SSRP1: variants seen among roughly 807,000 people sequenced by gnomAD.
The protein encoded by SSRP1 is structure specific recognition protein 1.
A neutral mutation model predicts 84.4 loss-of-function variants in SSRP1; 21 were observed. The observed-to-expected ratio is 0.25, with a 90% CI of 0.18 to 0.36. The LOEUF (loss-of-function observed/expected upper bound fraction) is 0.36, where lower values mean the gene tolerates loss of function less well. Ranked by LOEUF, SSRP1 falls within the 10% of genes least tolerant of loss-of-function variation. The pLI is 1.00. For missense variants in SSRP1, 519 were observed against 900.8 expected (o/e 0.58, Z 5.43); for synonymous variants, 319 against 318.3 (o/e 1.00, Z -0.02).
In SSRP1 at chr11:57,330,930, G is replaced by C; in HGVS notation, c.1224-3C>G. ...CAAACAGTTTCCCGTACTCCTCCCT[G>C]TGAGGGGACATGCACCATGTTACCA... On this transcript the variant is annotated splice_region_variant and splice_polypyrimidine_tract_variant and intron_variant, in intron 9 of 16. Coordinates refer to ENST00000278412, the MANE Select transcript of SSRP1 (RefSeq NM_003146.3). The surrounding 1 kb of genome is among the most constrained non-coding windows in gnomAD (Gnocchi z 4.0). 1 of 1,614,164 alleles carries C rather than the reference G, an allele frequency of 6.2e-7. No individual in the cohort carries two copies. The highest frequency in any genetic ancestry group is 8.5e-7 in the Non-Finnish European group (1 of 1,180,022).
chr11:57,327,462 T>C lies in SSRP1; in HGVS notation c.1835A>G (p.Lys612Arg). ...DARRDYEKAMKEYEGGRGESS... is the reference protein window; with the variant it reads ...DARRDYEKAMREYEGGRGESS... ...CTCGCCTCGGCCCCCTTCATATTCT[T>C]TCATGGCTTTTTCATAGTCCCTCCT... Residue 612 changes from lysine (K) to arginine (R), a missense_variant, in exon 15 of 17, where the codon AAA (lysine) becomes AGA (arginine). Lys to Arg is a conservative substitution (Grantham distance 26). This residue lies in a region of SSRP1 where 197 missense variants were observed against 265.0 expected (regional missense o/e 0.74). Coordinates refer to ENST00000278412, the MANE Select transcript of SSRP1 (RefSeq NM_003146.3). The C allele has an allele frequency of 6.2e-7, 1 of 1,614,088 alleles. No individual in the cohort carries two copies. Among genetic ancestry groups the C allele is most frequent in the Non-Finnish European group, 8.5e-7 (1 of 1,180,020 alleles).
At chr11:57,333,758 T>C (rs1429967265) in intron 3 of SSRP1, among the ~76,000 whole-genome samples, 1 of 152,226 alleles carries the variant, frequency 6.6e-6, no homozygotes, top group African/African-American at 2.4e-5. Flanking sequence ...TCTGACTTTA[T>C]AAACTTTGTA....
At position 57,327,593 on chromosome 11, in the gene SSRP1, TACAGAAAGTCCC is replaced by T. The variant is rs928169252; in HGVS notation, c.1783-91_1783-80del. The T allele has an allele frequency of 4.4e-6, 7 of 1,604,262 alleles. No homozygotes were observed. The African/African-American group carries it at 9.4e-5, about 21-fold the overall frequency. On this transcript the variant is annotated intron_variant, in intron 14 of 16. Coordinates refer to ENST00000278412, the MANE Select transcript of SSRP1 (RefSeq NM_003146.3). Reference sequence around the variant, plus strand: ...TCTCCCCTGATGCAGGCAAAATCGATACAGAAAGTCCCACCAATGGCTCATACTGCTCCCCTA... The same window carrying T: ...TCTCCCCTGATGCAGGCAAAATCGATACCAATGGCTCATACTGCTCCCCTA...
In SSRP1 at chr11:57,327,874, C is replaced by T. The variant is rs779454752; in HGVS notation, c.1620G>A (p.Lys540=). The T allele has an allele frequency of 1.9e-6, 3 of 1,613,470 alleles. No homozygotes were observed. The highest frequency in any genetic ancestry group is 1.7e-5 in the Admixed American group (1 of 59,996). The change falls in exon 14 of 17, where the codon AAG becomes AAA. Residue 540 remains lysine (K), a synonymous_variant. Transcript: ENST00000278412. ...KSRKKPVEVK[K]GKDPNAPKRP... is the part of the protein sequence containing the mutation. ...TCTTGGGGGCATTGGGGTCTTTGCCCTTCTTCACCTACATAAGAACCCAAA... is the reference window on the plus strand; with the variant it reads ...TCTTGGGGGCATTGGGGTCTTTGCCTTTCTTCACCTACATAAGAACCCAAA...
intron 3 of SSRP1, among the ~76,000 whole-genome samples, chr11:57,334,136 G>C (rs1316662383): frequency 6.6e-6 from 1 of 152,188 alleles, no homozygotes; most frequent in African/African-American, 2.4e-5. Context: ...CTGGGTGACA[G>C]AGCAAGGCCC....
chr11:57,328,103 A>G, intron 13 of SSRP1, 194 bp downstream of exon 13: 1 of 838,460 alleles, frequency 1.2e-6, no homozygotes, highest in Non-Finnish European at 1.8e-6. Flanking sequence ...GACCTTCCAG[A>G]AGCTTATTAA....
intron 9 of SSRP1, 104 bp from the exon 10 acceptor site, chr11:57,331,031 A>T: frequency 7.6e-7 from 1 of 1,317,090 alleles, no homozygotes; most frequent in East Asian, 2.3e-5. Context: ...TGGAGCCTGG[A>T]GCTCTTGACT....
intron 16 of SSRP1, 58 bp from the exon 17 acceptor site, chr11:57,326,536 T>C: frequency 1.2e-6 from 2 of 1,610,438 alleles, no homozygotes; most frequent in South Asian, 2.2e-5. Context: ...CCACCCACTC[T>C]TCAGTGAAGG....
chr11:57,335,262 A>G lies in SSRP1; in HGVS notation c.-119-22T>C. ...GAATCTGAATTCAAGAGGAAGACAG[A>G]TAAGCATGAAAGACAGCACCTCGCT... On this transcript the variant is annotated intron_variant, in intron 1 of 16. Coordinates refer to ENST00000278412, the MANE Select transcript of SSRP1 (RefSeq NM_003146.3). The surrounding 1 kb of genome is among the most constrained non-coding windows in gnomAD (Gnocchi z 4.6). 1 of 844,782 alleles carries G rather than the reference A, an allele frequency of 1.2e-6. No homozygotes were observed. The highest frequency in any genetic ancestry group is 1.4e-5 in the South Asian group (1 of 73,960). The allele number at this position is 844,782 out of a possible 1,614,324, so 52.3% of individuals were successfully genotyped here.
intron 12 of SSRP1, 153 bp downstream of exon 12, chr11:57,329,940 T>C (rs1856056363): frequency 1.1e-6 from 1 of 950,580 alleles, no homozygotes; most frequent in Admixed American, 2.1e-5. Flanking sequence ...CTTGACAATT[T>C]CCAAAACATT....
At position 57,326,138 on chromosome 11, in the gene SSRP1, T is replaced by C. The variant is rs1226171899; in HGVS notation, c.*269A>G. On this transcript the variant is annotated 3_prime_UTR_variant, in exon 17 of 17. Transcript: ENST00000278412. ...ACAGGACAAGCAGCAGCTACATCCT[T>C]AAGGTCGGGAAAGTAAGATGAGGAT... 2 of 531,058 alleles carry C rather than the reference T, an allele frequency of 3.8e-6. No homozygotes were observed. The highest frequency in any genetic ancestry group is 6.7e-6 in the Non-Finnish European group (2 of 296,962). The allele number at this position is 531,058 out of a possible 1,614,324, so 32.9% of individuals were successfully genotyped here.
chr11:57,326,413 A>G lies in SSRP1; in HGVS notation c.2124T>C (p.Asp708=), dbSNP rs148343811. The stretch of plus-strand genomic sequence containing the variant: ...AGAGAACCTTCCTCCGTTTCTACTC[A>G]TCGGATCCTGACGCTGAGTCCTCTG... The part of the protein sequence containing the change: ...PSSEDSASGS[D]E The change falls in exon 17 of 17, where the codon GAT becomes GAC. Residue 708 remains aspartate, a synonymous_variant. Coordinates refer to ENST00000278412, the MANE Select transcript of SSRP1 (RefSeq NM_003146.3). 14 of 1,614,058 alleles carry G rather than the reference A, an allele frequency of 8.7e-6. No homozygotes were observed. The highest frequency in any genetic ancestry group is 2.2e-5 in the East Asian group (1 of 44,900).
In SSRP1 at chr11:57,335,876, A is replaced by G. The variant is rs71484443; in HGVS notation, c.-266T>C. The G allele has an allele frequency of 0.09, 13,671 of 152,354 alleles. 1,026 individuals carry two copies. Among genetic ancestry groups the G allele is most frequent in the African/African-American group, 0.21 (8,527 of 41,520 alleles). The allele number at this position is 152,354 out of a possible 1,614,324, so 9.4% of individuals were successfully genotyped here. On this transcript the variant is annotated 5_prime_UTR_variant, in exon 1 of 17. Transcript: ENST00000278412. The surrounding 1 kb of genome is among the most constrained non-coding windows in gnomAD (Gnocchi z 4.6). ...CCCGCGTCCCGCCACCGGAAGCCGT[A>G]CACAGGCCACAGAGAGGATGAGCTG...
Position 57,330,082 on chromosome 11 carries a change from C to A in SSRP1, c.1481+11G>T. The stretch of plus-strand genomic sequence containing the variant: ...ACCATCTTATCCCCACAAGGTACCA[C>A]CAAAACTCACTCCTCTGCCACATCT... On this transcript the variant is annotated intron_variant, in intron 12 of 16. Transcript: ENST00000278412. The surrounding 1 kb of genome is among the most constrained non-coding windows in gnomAD (Gnocchi z 4.0). 6.2e-7 allele frequency: 1 copy of A among 1,614,190 alleles called. No homozygotes were observed. Among genetic ancestry groups the A allele is most frequent in the South Asian group, 1.1e-5 (1 of 91,084 alleles).
At chr11:57,331,020 G>T in intron 9 of SSRP1, 93 bp from the exon 10 acceptor site, 1 of 1,416,602 alleles carries the variant, frequency 7.1e-7, no homozygotes, top group Non-Finnish European at 9.9e-7. Flanking sequence ...GGGGTAGACT[G>T]TGGAGCCTGG....
At chr11:57,329,007 A>C (rs917058345) in intron 12 of SSRP1, 1 of 152,492 alleles carries the variant, frequency 6.6e-6, no homozygotes, top group Non-Finnish European at 1.5e-5. Flanking sequence ...TTACTACAAA[A>C]AGAGGAAAAC....
chr11:57,328,292 T>G lies in SSRP1; in HGVS notation c.1611+5A>C. ...CACACAGGCCCTCCCATCTACAGTC[T>G]GCACCTCCACAGGCTTCTTGCGGCT... On this transcript the variant is annotated splice_donor_5th_base_variant and intron_variant, in intron 13 of 16. Transcript: ENST00000278412. 6.2e-7 allele frequency: 1 copy of G among 1,613,690 alleles called. No individual in the cohort carries two copies. Among genetic ancestry groups the G allele is most frequent in the South Asian group, 1.1e-5 (1 of 91,060 alleles).
intron 8 of SSRP1, 77 bp from the exon 9 acceptor site, chr11:57,331,966 A>G: frequency 6.6e-7 from 1 of 1,504,142 alleles, no homozygotes; most frequent in Non-Finnish European, 9.1e-7. Flanking sequence ...CAGCGACACG[A>G]GTGCTCATGT....
chr11:57,332,533 A>G lies in SSRP1; in HGVS notation c.769-47T>C, dbSNP rs768363261. 46 of 1,609,480 alleles carry G rather than the reference A, an allele frequency of 2.9e-5. No individual in the cohort carries two copies. The East Asian group carries it at 9.8e-4, about 34-fold the overall frequency. ...TGACACTCTACAACAACTTGCAATT[A>G]ACCAACGTAGAATTCTGCACACCAG... On this transcript the variant is annotated intron_variant, in intron 6 of 16. Transcript: ENST00000278412. The surrounding 1 kb of genome is among the most constrained non-coding windows in gnomAD (Gnocchi z 5.5).
Sources: gnomAD v4.1 joint callset for allele counts (sites outside exome capture counted in the v4.1 genomes callset) on GRCh38, gnomAD v4.1.1 for gene constraint, gnomAD v4.1.1 regional missense constraint, Gnocchi (gnomAD v3.1) non-coding constraint, MANE v1.5 for transcripts, NCBI Gene and HGNC (gene_info 2026-07-23, HGNC 2026-07-21) for gene names.